CFAP46: variants seen among roughly 807,000 people sequenced by gnomAD.
CFAP46 encodes the protein cilia- and flagella-associated protein 46.
CFAP46 carries 245 observed loss-of-function variants against 325.7 expected under a neutral mutation model. The observed-to-expected ratio is 0.75, with a 90% CI of 0.68 to 0.84. The LOEUF (loss-of-function observed/expected upper bound fraction) is 0.84, where lower values mean the gene tolerates loss of function less well. CFAP46 is among the 40% of genes least tolerant of loss of function. The pLI is 0.00. For synonymous variants in CFAP46, 1,523 were observed against 1,495.9 expected (o/e 1.02, Z -0.42); for missense variants, 3,346 against 3,543.0 (o/e 0.94, Z 1.41).
In CFAP46 at chr10:132,915,060, A is replaced by G. The variant is rs928940211; in HGVS notation, c.2120+1489T>C. Among the ~76,000 whole-genome samples, 3 of 152,234 alleles carry G rather than the reference A, an allele frequency of 2.0e-5. No individual in the cohort carries two copies. In the East Asian group the frequency reaches 5.8e-4, roughly 29 times the overall value. Reference sequence around the variant, plus strand: ...CGTCCCGCTAGACCAGGCTGGGCAAACTTTTTCTATAAGGGGCCAAATAGC... The same window carrying G: ...CGTCCCGCTAGACCAGGCTGGGCAAGCTTTTTCTATAAGGGGCCAAATAGC... On this transcript the variant is annotated intron_variant, in intron 17 of 57. Transcript: ENST00000368586.
intron 39 of CFAP46, among the ~76,000 whole-genome samples, chr10:132,852,985 G>C (rs1176541423): frequency 6.6e-6 from 1 of 152,192 alleles, no homozygotes; most frequent in Non-Finnish European, 1.5e-5. Context: ...AGACAACTAT[G>C]TTATCTGTGA....
intron 3 of CFAP46, 137 bp from the exon 4 acceptor site, chr10:132,941,197 G>A (rs1850095291): frequency 2.4e-6 from 2 of 850,522 alleles, no homozygotes; most frequent in Middle Eastern, 2.7e-4. Flanking sequence ...GTGACGGTGT[G>A]GCAGACACAG....
In CFAP46 at chr10:132,814,661, C is replaced by CT. The variant is rs1591028902; in HGVS notation, c.7249+24_7249+25insA. The stretch of plus-strand genomic sequence containing the variant: ...GGGAGCACAGGGCGGGGTCTGGGGC[C>CT]CCCCCGGGGCCCATCAAAGGATACA... On this transcript the variant is annotated intron_variant, in intron 52 of 57. Transcript: ENST00000368586. 5 of 1,584,032 alleles carry CT rather than the reference C, an allele frequency of 3.2e-6. No homozygotes were observed. In the African/African-American group the frequency reaches 6.7e-5, roughly 21 times the overall value.
intron 41 of CFAP46, among the ~76,000 whole-genome samples, chr10:132,848,095 C>T (rs60910325): frequency 0.069 from 10,445 of 152,146 alleles, 898 homozygotes; most frequent in African/African-American, 0.2. Flanking sequence ...CAGGGCTGCA[C>T]CACGTGCAGC....
chr10:132,895,009 G>C (rs749671264), intron 24 of CFAP46, among the ~76,000 whole-genome samples: 65 of 152,236 alleles, frequency 4.3e-4, no homozygotes, highest in Admixed American at 2.7e-3. Context: ...CACAAGAAAA[G>C]AAAATTATAG....
intron 22 of CFAP46, among the ~76,000 whole-genome samples, chr10:132,903,832 G>A (rs533377362): frequency 3.4e-4 from 52 of 152,152 alleles, no homozygotes; most frequent in Admixed American, 5.9e-4. Flanking sequence ...ATGTTGAGCT[G>A]AGTTGGAAGG....
rs1297261928 is a variant in CFAP46 at position 132,877,241 on chromosome 10, T to G, written c.4213-280A>C. ...GGCTCTGCAGCCTCTGCCTCCTGCG[T>G]CTCCCCTCAGTGACAGCTGGCTGGT... On this transcript the variant is annotated intron_variant, in intron 30 of 57. Transcript: ENST00000368586. This position sits in a 1 kb window ranked among gnomAD's most constrained non-coding sequence, Gnocchi z 5.7. Among the ~76,000 whole-genome samples, 1 of 152,056 alleles carries G rather than the reference T, an allele frequency of 6.6e-6. No homozygotes were observed. Among genetic ancestry groups the G allele is most frequent in the Non-Finnish European group, 1.5e-5 (1 of 67,994 alleles).
intron 50 of CFAP46, among the ~76,000 whole-genome samples, chr10:132,829,907 T>C (rs1175893603): frequency 6.6e-6 from 1 of 152,190 alleles, no homozygotes; most frequent in Non-Finnish European, 1.5e-5. Context: ...CCTTGTAACA[T>C]ATTGTTTTGC....
At chr10:132,823,512 A>ATGTGTGCTG (rs1218814469) in intron 50 of CFAP46, among the ~76,000 whole-genome samples, 112 of 75,792 alleles carry the variant, frequency 1.5e-3, no homozygotes, top group South Asian at 4.1e-3. Flanking sequence ...CTGTGTGCTG[A>ATGTGTGCTG]TGTGTGCTGT....
rs1399575304 is a variant in CFAP46, at chr10:132,884,328, C to T, written c.3627+775G>A. On this transcript the variant is annotated intron_variant, in intron 27 of 57. Transcript: ENST00000368586. The surrounding 1 kb of genome is among the most constrained non-coding windows in gnomAD (Gnocchi z 5.4). ...CCCTGAGCCGGCACTCACACAGCAC[C>T]GTCAGAGACCCCCAACCATCCTCAG... Among the ~76,000 whole-genome samples the T allele has an allele frequency of 1.2e-4, 18 of 152,324 alleles. No individual in the cohort carries two copies. Among genetic ancestry groups the T allele is most frequent in the African/African-American group, 2.4e-5 (1 of 41,570 alleles).
chr10:132,837,756 C>G (rs1431793051), intron 44 of CFAP46, among the ~76,000 whole-genome samples: 4 of 125,184 alleles, frequency 3.2e-5, no homozygotes, highest in African/African-American at 4.8e-5. Context: ...TGCGCACGGA[C>G]ACACACGCAC....
rs1205094407 is a variant in CFAP46 at position 132,917,865 on chromosome 10, A to G, written c.1986+528T>C. Among the ~76,000 whole-genome samples, 6 of 151,932 alleles carry G rather than the reference A, an allele frequency of 3.9e-5. No homozygotes were observed. The East Asian group carries it at 5.8e-4, about 15-fold the overall frequency. On this transcript the variant is annotated intron_variant, in intron 16 of 57. Coordinates refer to ENST00000368586, the MANE Select transcript of CFAP46 (RefSeq NM_001200049.3). ...CCCTCTGACGCTGTGGTGCAGGGAC[A>G]CACCTCAGCATTGATAAGCCCCAGT...
chr10:132,834,012 G>T lies in CFAP46; in HGVS notation c.6949+29C>A, dbSNP rs746268288. ...CTCTTCTGGCGGGATGAGCTCCCCAGGCTGAGTGGCCACGCCCGCCCCACT... is the reference window on the plus strand; with the variant it reads ...CTCTTCTGGCGGGATGAGCTCCCCATGCTGAGTGGCCACGCCCGCCCCACT... On this transcript the variant is annotated intron_variant, in intron 49 of 57. Coordinates refer to ENST00000368586, the MANE Select transcript of CFAP46 (RefSeq NM_001200049.3). 2.5e-6 allele frequency: 4 copies of T among 1,604,970 alleles called. No homozygotes were observed. The South Asian group carries it at 4.4e-5, about 18-fold the overall frequency.
chr10:132,818,374 G>A (rs1405765341), intron 50 of CFAP46, among the ~76,000 whole-genome samples: 7 of 152,072 alleles, frequency 4.6e-5, no homozygotes, highest in Admixed American at 2.6e-4. Flanking sequence ...GGATGTCATC[G>A]GAGAATATTT....
chr10:132,903,380 C>T (rs1159308432), intron 22 of CFAP46, among the ~76,000 whole-genome samples: 1 of 152,204 alleles, frequency 6.6e-6, no homozygotes, highest in Non-Finnish European at 1.5e-5. Flanking sequence ...CCTGCCGCGT[C>T]ACATCCTGGA....
chr10:132,849,214 C>T (rs911300520), intron 41 of CFAP46, among the ~76,000 whole-genome samples: 5 of 152,232 alleles, frequency 3.3e-5, no homozygotes, highest in Admixed American at 1.3e-4. Flanking sequence ...TGCCGACCCT[C>T]GCTTCTGGTC....
chr10:132,833,166 A>C (rs1848179500), intron 50 of CFAP46, among the ~76,000 whole-genome samples, 192 bp downstream of exon 50: 1 of 151,602 alleles, frequency 6.6e-6, no homozygotes, highest in South Asian at 2.1e-4. Flanking sequence ...GTAGAGATGC[A>C]CTCTCACCAT....
chr10:132,913,655 C>A (rs529724340), intron 17 of CFAP46, among the ~76,000 whole-genome samples: 1 of 152,190 alleles, frequency 6.6e-6, no homozygotes, highest in African/African-American at 2.4e-5. Context: ...GGGCTGAAAC[C>A]GCTGGGACGG....
intron 57 of CFAP46, 106 bp from the exon 58 acceptor site, chr10:132,809,010 G>T (rs551756038): frequency 2.6e-6 from 3 of 1,135,924 alleles, no homozygotes; most frequent in South Asian, 3.3e-5. Context: ...TCCAACTGAG[G>T]GCGCTCTGGG....
Sources: allele counts gnomAD v4.1 joint callset (sites outside exome capture counted in the v4.1 genomes callset), GRCh38; gene constraint gnomAD v4.1.1; non-coding constraint Gnocchi (gnomAD v3.1); transcripts MANE v1.5; gene names NCBI Gene and HGNC (gene_info 2026-07-23, HGNC 2026-07-21).